The following WWOX variants were observed in gnomAD, a reference collection of about 807,000 sequenced individuals.
The protein encoded by WWOX is WW domain-containing oxidoreductase.
Under a neutral mutation model 46.2 loss-of-function variants are expected in WWOX, and 69 were observed. The ratio of observed to expected loss-of-function variants is 1.49; its 90% CI spans 1.23 to 1.82. WWOX has a LOEUF of 1.82. Ranked by LOEUF, WWOX falls within the 40% of genes most tolerant of loss-of-function variation. The probability of loss-of-function intolerance (pLI) is 0.00; values close to 1 mark genes in which losing one functional copy is unlikely to be tolerated. For synonymous variants in WWOX, 359 were observed against 202.6 expected, an observed-to-expected ratio of 1.77 and a Z score of -6.56; for missense variants, 919 against 542.6, an observed-to-expected ratio of 1.69 and a Z score of -6.89.
intron 8 of WWOX, among the ~76,000 whole-genome samples, chr16:79,156,643 C>T (rs910017551): frequency 2.0e-5 from 3 of 152,000 alleles, no homozygotes; most frequent in Non-Finnish European, 4.4e-5. Context: ...CTGTTATCTT[C>T]CAGAAACACT....
Position 78,576,136 on chromosome 16 carries a change from C to T in WWOX, c.1056+143384C>T, listed in dbSNP as rs1597292914. On this transcript the variant is annotated intron_variant, in intron 8 of 8. Coordinates refer to ENST00000566780, the MANE Select transcript of WWOX (RefSeq NM_016373.4). ...CTTACCGTTGCATAGAATGACTCTC[C>T]TGTATGAATTTTTAAAAGAAACTTC... 3.3e-5 allele frequency among the ~76,000 whole-genome samples: 5 copies of T among 152,186 alleles called. No individual in the cohort carries two copies. In the South Asian group the frequency reaches 6.2e-4, roughly 19 times the overall value.
intron 8 of WWOX, among the ~76,000 whole-genome samples, chr16:78,645,555 G>C (rs1256048690): frequency 6.6e-6 from 1 of 152,134 alleles, no homozygotes; most frequent in Non-Finnish European, 1.5e-5. Flanking sequence ...TCTACTCATG[G>C]TGGAAAGTGA....
intron 8 of WWOX, among the ~76,000 whole-genome samples, chr16:78,715,381 T>A (rs2048536982): frequency 6.6e-6 from 1 of 152,194 alleles, no homozygotes; most frequent in Admixed American, 6.6e-5. Flanking sequence ...TTATTCATTC[T>A]TCTGGGATCG....
intron 8 of WWOX, among the ~76,000 whole-genome samples, chr16:78,835,465 G>A (rs112975538): frequency 1.2e-4 from 18 of 152,312 alleles, no homozygotes; most frequent in African/African-American, 4.3e-4. Flanking sequence ...CATGTTAGTA[G>A]AGCAGTTGTG....
chr16:78,492,643 A>C (rs2084811730), intron 8 of WWOX, among the ~76,000 whole-genome samples: 1 of 152,176 alleles, frequency 6.6e-6, no homozygotes, highest in Non-Finnish European at 1.5e-5. Flanking sequence ...TTATGATGAA[A>C]CTTTCTTCGT....
Position 78,272,355 on chromosome 16 carries a change from G to A in WWOX, c.516+108066G>A, listed in dbSNP as rs185834106. Among the ~76,000 whole-genome samples the A allele has an allele frequency of 2.1e-3, 325 of 152,260 alleles. 3 individuals carry two copies. The highest frequency in any genetic ancestry group is 7.5e-3 in the African/African-American group (312 of 41,544). ...CCCTACACATGGCCTTTCCTGCATG[G>A]CAGATATAGGGCCATCAGATTTCTT... On this transcript the variant is annotated intron_variant, in intron 5 of 8. Coordinates refer to ENST00000566780, the MANE Select transcript of WWOX (RefSeq NM_016373.4).
chr16:78,864,754 C>CTTTTTTTTTT (rs57606576), intron 8 of WWOX, among the ~76,000 whole-genome samples: 1 of 87,160 alleles, frequency 1.1e-5, no homozygotes, highest in African/African-American at 4.7e-5. Context: ...TCTCCAACTC[C>CTTTTTTTTTT]TTTTTTTTTT....
At chr16:78,262,016 G>A (rs2079254875) in intron 5 of WWOX, among the ~76,000 whole-genome samples, 1 of 148,824 alleles carries the variant, frequency 6.7e-6, no homozygotes, top group African/African-American at 2.5e-5. Flanking sequence ...CTTGAACCTG[G>A]GAAGCGGAGG....
At chr16:79,019,983 T>C (rs2047498757) in intron 8 of WWOX, among the ~76,000 whole-genome samples, 1 of 152,222 alleles carries the variant, frequency 6.6e-6, no homozygotes, top group South Asian at 2.1e-4. Flanking sequence ...CTCACTTCTC[T>C]ACTAATCCCC....
At chr16:78,744,687 C>G (rs1384235788) in intron 8 of WWOX, among the ~76,000 whole-genome samples, 1 of 152,098 alleles carries the variant, frequency 6.6e-6, no homozygotes, top group Non-Finnish European at 1.5e-5. Context: ...CTGCCTCGGC[C>G]TCCCAAAGTG....
chr16:78,318,535 C>T (rs1416657696), intron 5 of WWOX, among the ~76,000 whole-genome samples: 2 of 152,062 alleles, frequency 1.3e-5, no homozygotes, highest in South Asian at 2.1e-4. Flanking sequence ...ATGTTAAGAA[C>T]ACAACATTTA....
chr16:78,192,112 A>T (rs1452134450), intron 5 of WWOX, among the ~76,000 whole-genome samples: 1 of 152,154 alleles, frequency 6.6e-6, no homozygotes, highest in Non-Finnish European at 1.5e-5. Context: ...GATCATTCAT[A>T]CCCCAAACCT....
At chr16:78,178,949 G>A (rs563324971) in intron 5 of WWOX, among the ~76,000 whole-genome samples, 5 of 152,124 alleles carry the variant, frequency 3.3e-5, no homozygotes, top group South Asian at 4.2e-4. Flanking sequence ...GCGGATAACC[G>A]AGAGCTGGTC....
intron 5 of WWOX, among the ~76,000 whole-genome samples, chr16:78,321,340 ATATATATACG>A (rs775955058): frequency 0.069 from 3,771 of 54,932 alleles, 514 homozygotes; most frequent in African/African-American, 0.22. Flanking sequence ...ATATATGCGT[ATATATATACG>A]TATATATGCG....
In WWOX at chr16:78,685,905, AAAG is replaced by A. The variant is rs565268205; in HGVS notation, c.1056+253156_1056+253158del. ...AGAGAGAGAGAGGAAAAAAAACAAA[AAAG>A]AAAAAGAAAAAAGAGAGGTGGGTAG... On this transcript the variant is annotated intron_variant, in intron 8 of 8. Transcript: ENST00000566780. Among the ~76,000 whole-genome samples the A allele has an allele frequency of 1.0e-4, 15 of 149,146 alleles. No homozygotes were observed. The East Asian group carries it at 3.0e-3, about 30-fold the overall frequency.
At chr16:78,729,434 A>C (rs1434420822) in intron 8 of WWOX, among the ~76,000 whole-genome samples, 1 of 152,146 alleles carries the variant, frequency 6.6e-6, no homozygotes, top group East Asian at 1.9e-4. Flanking sequence ...TACTTGGAAA[A>C]AGTGCCTTTG....
intron 8 of WWOX, among the ~76,000 whole-genome samples, chr16:78,739,332 C>T (rs1567527722): frequency 1.3e-5 from 2 of 152,158 alleles, no homozygotes; most frequent in African/African-American, 4.8e-5. Context: ...ACGTTCCCAA[C>T]ACTCGCAGCA....
intron 8 of WWOX, among the ~76,000 whole-genome samples, chr16:79,171,736 C>T (rs1597443542): frequency 6.6e-6 from 1 of 152,270 alleles, no homozygotes; most frequent in Middle Eastern, 3.4e-3. Context: ...ACGTTGAAAG[C>T]ACTTCGCTAT....
At chr16:78,856,104 G>A (rs1029241175) in intron 8 of WWOX, among the ~76,000 whole-genome samples, 1 of 152,222 alleles carries the variant, frequency 6.6e-6, no homozygotes, top group African/African-American at 2.4e-5. Context: ...GATGTTTCTG[G>A]CAGAGGGATC....
Sources: gnomAD v4.1 joint callset for allele counts (sites outside exome capture counted in the v4.1 genomes callset) on GRCh38, gnomAD v4.1.1 for gene constraint, MANE v1.5 for transcripts, NCBI Gene and HGNC (gene_info 2026-07-23, HGNC 2026-07-21) for gene names.